The following DCC variants were observed in gnomAD, a reference collection of about 807,000 sequenced individuals.
The protein encoded by DCC is DCC netrin 1 receptor.
A neutral mutation model predicts 172.5 loss-of-function variants in DCC; 58 were observed. The ratio of observed to expected loss-of-function variants is 0.34; its 90% CI spans 0.27 to 0.42. The LOEUF (loss-of-function observed/expected upper bound fraction) is 0.42. Ranked by LOEUF, DCC falls within the 10% of genes least tolerant of loss-of-function variation. The pLI is 1.00. For missense variants in DCC, 1,740 were observed against 1,791.0 expected, an observed-to-expected ratio of 0.97 and a Z score of 0.51; for synonymous variants, 709 against 644.5, an observed-to-expected ratio of 1.10 and a Z score of -1.52.
chr18:52,962,504 G>C (rs1236449273), intron 5 of DCC, among the ~76,000 whole-genome samples: 4 of 151,816 alleles, frequency 2.6e-5, no homozygotes, highest in Non-Finnish European at 2.9e-5. Flanking sequence ...TACACTGTTG[G>C]TGGGACTGTA....
chr18:52,380,482 A>G (rs558091122), intron 1 of DCC, among the ~76,000 whole-genome samples: 13 of 152,156 alleles, frequency 8.5e-5, no homozygotes, highest in Admixed American at 8.5e-4. Context: ...ACCCCCTCAC[A>G]AGACAAATCT....
intron 11 of DCC, among the ~76,000 whole-genome samples, chr18:53,214,913 A>G (rs908293400): frequency 3.3e-5 from 5 of 152,196 alleles, no homozygotes; most frequent in African/African-American, 1.2e-4. Flanking sequence ...TGTAGGCAAG[A>G]AAAACAAAAT....
rs202092517 is a variant in DCC at position 52,939,355 on chromosome 18, T to A, written c.985+13985T>A. 2.0e-5 allele frequency among the ~76,000 whole-genome samples: 3 copies of A among 152,140 alleles called. No individual in the cohort carries two copies. The East Asian group carries it at 5.8e-4, about 29-fold the overall frequency. ...AGACCATCTCTCATAGTTACTGTTA[T>A]GCAGTTATTTATTTTCCTTTGTATA... On this transcript the variant is annotated intron_variant, in intron 5 of 28. Coordinates refer to ENST00000442544, the MANE Select transcript of DCC (RefSeq NM_005215.4).
Position 53,385,993 on chromosome 18 carries a change from G to C in DCC, c.2360-50G>C, listed in dbSNP as rs780129332. On this transcript the variant is annotated intron_variant, in intron 15 of 28. Coordinates refer to ENST00000442544, the MANE Select transcript of DCC (RefSeq NM_005215.4). ...GGAAAATGTTTGCCTTGAGTATTTTGATACATTAAATATATCAACACGTTC... is the reference window on the plus strand; with the variant it reads ...GGAAAATGTTTGCCTTGAGTATTTTCATACATTAAATATATCAACACGTTC... 5 of 1,214,010 alleles carry C rather than the reference G, an allele frequency of 4.1e-6. No homozygotes were observed. The African/African-American group carries it at 7.4e-5, about 18-fold the overall frequency. The allele number at this position is 1,214,010 out of a possible 1,614,324, so 75.2% of individuals were successfully genotyped here. A position where few individuals can be genotyped will look rare whatever the true frequency, so the allele number is the denominator to read the frequency against.
At chr18:52,492,238 G>C (rs2030538282) in intron 1 of DCC, among the ~76,000 whole-genome samples, 1 of 151,884 alleles carries the variant, frequency 6.6e-6, no homozygotes, top group African/African-American at 2.4e-5. Flanking sequence ...GAACATTTGA[G>C]AGAAGACATT....
intron 1 of DCC, among the ~76,000 whole-genome samples, chr18:52,485,776 T>C (rs1263847728): frequency 6.6e-6 from 1 of 152,092 alleles, no homozygotes; most frequent in East Asian, 1.9e-4. Context: ...AAAGAGAATA[T>C]GGTTAAACAT....
chr18:52,818,359 C>CT (rs1345359133), intron 2 of DCC, among the ~76,000 whole-genome samples: 1 of 147,168 alleles, frequency 6.8e-6, no homozygotes, highest in Non-Finnish European at 1.5e-5. Flanking sequence ...CTGCAGCGAG[C>CT]TATGTCTGTG....
At chr18:53,213,847 G>A (rs1298007210) in intron 11 of DCC, among the ~76,000 whole-genome samples, 4 of 151,144 alleles carry the variant, frequency 2.6e-5, no homozygotes, top group South Asian at 4.2e-4. Flanking sequence ...TAATTATAAC[G>A]TTTAGAATAG....
At chr18:53,327,496 A>G (rs1202435261) in intron 14 of DCC, among the ~76,000 whole-genome samples, 1 of 152,172 alleles carries the variant, frequency 6.6e-6, no homozygotes, top group African/African-American at 2.4e-5. Flanking sequence ...GCTATACGCT[A>G]TCAATAATCA....
At chr18:53,448,315 G>A (rs150039102) in intron 22 of DCC, among the ~76,000 whole-genome samples, 14 of 152,288 alleles carry the variant, frequency 9.2e-5, no homozygotes, top group African/African-American at 3.4e-4. Context: ...TACAGTCATG[G>A]TGGAAGTGGA....
At chr18:52,445,468 G>A (rs769185871) in intron 1 of DCC, among the ~76,000 whole-genome samples, 1 of 152,098 alleles carries the variant, frequency 6.6e-6, no homozygotes, top group South Asian at 2.1e-4. Context: ...AAATTTAAGC[G>A]ACTGCATAAT....
At chr18:53,297,373 TA>T (rs1360955115) in intron 12 of DCC, among the ~76,000 whole-genome samples, 4 of 152,174 alleles carry the variant, frequency 2.6e-5, no homozygotes, top group African/African-American at 9.7e-5. Flanking sequence ...ATGGAGGAAT[TA>T]GAGGAAGCTA....
intron 1 of DCC, among the ~76,000 whole-genome samples, chr18:52,566,032 G>C (rs1474277731): frequency 6.6e-6 from 1 of 152,076 alleles, no homozygotes; most frequent in Non-Finnish European, 1.5e-5. Flanking sequence ...TAAGGGAAGA[G>C]TCCAGTTTCA....
chr18:52,744,119 T>C (rs935623533), intron 1 of DCC, among the ~76,000 whole-genome samples: 34 of 151,842 alleles, frequency 2.2e-4, no homozygotes, highest in Non-Finnish European at 4.1e-4. Context: ...TATTTGATTT[T>C]GAGTAAATAA....
At chr18:52,536,162 T>C (rs543182770) in intron 1 of DCC, among the ~76,000 whole-genome samples, 7 of 152,062 alleles carry the variant, frequency 4.6e-5, no homozygotes, top group African/African-American at 1.7e-4. Flanking sequence ...GGAACAGTGA[T>C]ATGTGGGGGG....
rs2055152517 is a variant in DCC at position 53,178,994 on chromosome 18, C to T, written c.1451C>T (p.Ser484Phe). Residue 484 changes from serine (S) to phenylalanine (F), a missense_variant, in exon 9 of 29, where the codon TCC becomes TTC. By Grantham distance (155) the Ser-to-Phe change is radical. This residue lies in a region of DCC where 1,732 missense variants were observed against 1,767.4 expected (regional missense o/e 0.98). Transcript: ENST00000442544. Reference sequence around the variant, plus strand: ...GCATTGAATACAACACAGCCTGGGTCCCTTCAGCTCACTGTGGGAAACCTG... The same window carrying T: ...GCATTGAATACAACACAGCCTGGGTTCCTTCAGCTCACTGTGGGAAACCTG... Reference protein sequence around the residue: ...ERALNTTQPGSLQLTVGNLKP... With the variant: ...ERALNTTQPGFLQLTVGNLKP... The T allele has an allele frequency of 1.2e-6, 2 of 1,613,954 alleles. No homozygotes were observed. The highest frequency in any genetic ancestry group is 8.5e-7 in the Non-Finnish European group (1 of 1,179,968).
intron 1 of DCC, among the ~76,000 whole-genome samples, chr18:52,595,428 A>G (rs893574952): frequency 6.6e-6 from 1 of 152,202 alleles, no homozygotes; most frequent in African/African-American, 2.4e-5. Context: ...TATTAACAGC[A>G]TCAAACCAAA....
intron 15 of DCC, among the ~76,000 whole-genome samples, chr18:53,362,690 C>T (rs2057960864): frequency 6.6e-6 from 1 of 152,004 alleles, no homozygotes; most frequent in Non-Finnish European, 1.5e-5. Context: ...ACATTTTAAA[C>T]TGCTTTTTAA....
intron 1 of DCC, among the ~76,000 whole-genome samples, chr18:52,729,689 G>T (rs1213865594): frequency 2.6e-5 from 4 of 152,208 alleles, no homozygotes; most frequent in Non-Finnish European, 5.9e-5. Flanking sequence ...GTCAGTGAAA[G>T]AAATATTTAC....
Sources: gnomAD v4.1 joint callset for allele counts (sites outside exome capture counted in the v4.1 genomes callset) on GRCh38, gnomAD v4.1.1 for gene constraint, gnomAD v4.1.1 regional missense constraint, MANE v1.5 for transcripts, NCBI Gene and HGNC (gene_info 2026-07-23, HGNC 2026-07-21) for gene names.